Variants in CRYBB1 observed in about 807,000 individuals in gnomAD.
The protein encoded by CRYBB1 is beta-crystallin B1.
CRYBB1 carries 16 observed loss-of-function variants against 29.5 expected under a neutral mutation model. The observed-to-expected ratio is 0.54, with a 90% confidence interval of 0.37 to 0.82. The LOEUF (loss-of-function observed/expected upper bound fraction) is 0.82, where lower values mean the gene tolerates loss of function less well. Among genes scored for constraint, CRYBB1 ranks in the 40% least tolerant of loss-of-function variants. The pLI, the probability that CRYBB1 is intolerant of heterozygous loss-of-function variation, is 0.00. For synonymous variants in CRYBB1, 127 were observed against 136.7 expected (o/e 0.93, Z 0.49); for missense variants, 300 against 350.5 (o/e 0.86, Z 1.15).
At chr22:26,613,027 A>C (rs1050615744) in intron 2 of CRYBB1, among the ~76,000 whole-genome samples, 1 of 152,038 alleles carries the variant, frequency 6.6e-6, no homozygotes, top group East Asian at 1.9e-4. Context: ...GCCCCTCCAA[A>C]GACCAAGGAC....
At chr22:26,613,657 C>T (rs1030567855) in intron 2 of CRYBB1, among the ~76,000 whole-genome samples, 2 of 152,114 alleles carry the variant, frequency 1.3e-5, no homozygotes, top group African/African-American at 4.8e-5. Flanking sequence ...GGATGTATGT[C>T]GCCTCAGGAC....
intron 3 of CRYBB1, among the ~76,000 whole-genome samples, chr22:26,610,464 T>C (rs550954317): frequency 6.6e-6 from 1 of 152,234 alleles, no homozygotes; most frequent in African/African-American, 2.4e-5. Context: ...GCATCTTTGT[T>C]TGAGGAGAAA....
intron 4 of CRYBB1, among the ~76,000 whole-genome samples, chr22:26,604,936 TCCA>T (rs1928930524): frequency 1.3e-5 from 2 of 152,194 alleles, no homozygotes; most frequent in African/African-American, 4.8e-5. Flanking sequence ...GACCCTGGTC[TCCA>T]CCACCACCTC....
intron 4 of CRYBB1, among the ~76,000 whole-genome samples, chr22:26,602,894 C>A (rs974168554): frequency 1.3e-5 from 2 of 151,888 alleles, no homozygotes; most frequent in South Asian, 2.1e-4. Context: ...GAGGCCGAGG[C>A]GGGCAGATCA....
chr22:26,603,393 A>T (rs189042898), intron 4 of CRYBB1, among the ~76,000 whole-genome samples: 1 of 151,150 alleles, frequency 6.6e-6, no homozygotes, highest in East Asian at 2.0e-4. Context: ...AGCCAGGTGC[A>T]ATCACATGTG....
At position 26,599,402 on chromosome 22, in the gene CRYBB1, T is replaced by G; in HGVS notation, c.*88A>C. ...TACAGATCCAGGAGAAATTTTGGCT[T>G]TAGGGAATTTTATTTGCCTGGGAAA... On this transcript the variant is annotated 3_prime_UTR_variant, in exon 6 of 6. Coordinates refer to ENST00000647684, the MANE Select transcript of CRYBB1 (RefSeq NM_001887.4). The G allele has an allele frequency of 7.1e-7, 1 of 1,413,602 alleles. No individual in the cohort carries two copies. The highest frequency in any genetic ancestry group is 9.8e-7 in the Non-Finnish European group (1 of 1,025,390). 87.6% of individuals were successfully genotyped at this position (1,413,602 alleles called of 1,614,324 possible).
chr22:26,608,802 G>A (rs1569205832), intron 3 of CRYBB1, among the ~76,000 whole-genome samples: 1 of 152,090 alleles, frequency 6.6e-6, no homozygotes, highest in Non-Finnish European at 1.5e-5. Context: ...TCAGTAACTA[G>A]TATGAGGCAA....
chr22:26,604,874 C>T (rs1336442817), intron 4 of CRYBB1, among the ~76,000 whole-genome samples: 1 of 152,154 alleles, frequency 6.6e-6, no homozygotes, highest in Non-Finnish European at 1.5e-5. Flanking sequence ...AATGGCTCCC[C>T]ACTGCTAGAG....
chr22:26,601,578 C>T (rs1928819737), intron 5 of CRYBB1, among the ~76,000 whole-genome samples: 1 of 151,372 alleles, frequency 6.6e-6, no homozygotes, highest in Admixed American at 6.6e-5. Flanking sequence ...TCCACATCAG[C>T]GCCGGCCCTT....
At chr22:26,615,809 C>T (rs1014984927) in intron 2 of CRYBB1, among the ~76,000 whole-genome samples, 5 of 152,134 alleles carry the variant, frequency 3.3e-5, no homozygotes, top group Non-Finnish European at 5.9e-5. Flanking sequence ...CCACTGCGCC[C>T]GGCCCCACTT....
At chr22:26,607,688 G>A (rs1012554832) in intron 4 of CRYBB1, among the ~76,000 whole-genome samples, 1 of 152,142 alleles carries the variant, frequency 6.6e-6, no homozygotes, top group Non-Finnish European at 1.5e-5. Flanking sequence ...TTTGCCCAGG[G>A]TTCCTAGCTG....
At chr22:26,615,522 C>CT (rs367900964) in intron 2 of CRYBB1, among the ~76,000 whole-genome samples, 5,125 of 146,954 alleles carry the variant, frequency 0.035, 134 homozygotes, top group East Asian at 0.091. Context: ...CTATTCTTTT[C>CT]TTTTTTTTTT....
At chr22:26,611,630 A>C (rs1929168407) in intron 3 of CRYBB1, among the ~76,000 whole-genome samples, 1 of 151,304 alleles carries the variant, frequency 6.6e-6, no homozygotes, top group Non-Finnish European at 1.5e-5. Flanking sequence ...GCCCGCCACC[A>C]CGCCCGGCTA....
chr22:26,600,758 C>T (rs1049979587), intron 5 of CRYBB1, among the ~76,000 whole-genome samples: 3 of 152,224 alleles, frequency 2.0e-5, no homozygotes, highest in African/African-American at 4.8e-5. Flanking sequence ...TGCCAGACCC[C>T]CTCCCTATAT....
rs1015979815 is a variant in CRYBB1, at chr22:26,607,318, G to A, written c.432+571C>T. On this transcript the variant is annotated intron_variant, in intron 4 of 5. Coordinates refer to ENST00000647684, the MANE Select transcript of CRYBB1 (RefSeq NM_001887.4). ...ATTACAGGCATGGGCCACCATGCCCGGCTACAATATCCCTCTTCTTAGCCA... is the reference window on the plus strand; with the variant it reads ...ATTACAGGCATGGGCCACCATGCCCAGCTACAATATCCCTCTTCTTAGCCA... Among the ~76,000 whole-genome samples, 7 of 152,056 alleles carry A rather than the reference G, an allele frequency of 4.6e-5. No individual in the cohort carries two copies. In the South Asian group the frequency reaches 6.2e-4, roughly 14 times the overall value.
Position 26,601,963 on chromosome 22 carries a change from A to G in CRYBB1, c.491T>C (p.Ile164Thr), listed in dbSNP as rs1602320936. 2 of 1,613,560 alleles carry G rather than the reference A, an allele frequency of 1.2e-6. No individual in the cohort carries two copies. Among genetic ancestry groups the G allele is most frequent in the Non-Finnish European group, 1.7e-6 (2 of 1,179,868 alleles). Reference protein sequence around the residue: ...FEGANFKGNTIEIQGDDAPSL... With the variant: ...FEGANFKGNTTEIQGDDAPSL... The stretch of plus-strand genomic sequence containing the variant: ...GGGTGCGTCGTCCCCCTGGATCTCT[A>G]TGGTGTTGCCCTTGAAGTTGGCCCC... Residue 164 changes from isoleucine (I) to threonine (T), a missense_variant, in exon 5 of 6, where the codon ATA (isoleucine) becomes ACA (threonine). Physicochemically the swap from Ile to Thr is moderately conservative, Grantham distance 89. Transcript: ENST00000647684.
Position 26,612,140 on chromosome 22 carries a change from C to G in CRYBB1, c.231G>C (p.Ser77=), listed in dbSNP as rs770478101. Residue 77 remains serine, a synonymous_variant, in exon 3 of 6, where the codon TCG becomes TCC. Transcript: ENST00000647684. The part of the protein sequence containing the change: ...ENFQGRRAEF[S]GECSNLADRG... ...GGTCTGCCAGATTTGAGCACTCCCC[C>G]GAGAATTCTGCTCGACGGCCCTGGA... 8.7e-6 allele frequency: 14 copies of G among 1,613,868 alleles called. No homozygotes were observed. In the East Asian group the frequency reaches 2.5e-4, roughly 28 times the overall value.
chr22:26,610,670 G>A (rs1235373107), intron 3 of CRYBB1, among the ~76,000 whole-genome samples: 1 of 152,162 alleles, frequency 6.6e-6, no homozygotes. Flanking sequence ...CGGGCAGGGA[G>A]GTGGGTACGT....
At chr22:26,599,733 A>C (rs1050849167) in intron 5 of CRYBB1, 60 bp from the exon 6 acceptor site, 156 of 1,369,390 alleles carry the variant, frequency 1.1e-4, no homozygotes, top group Admixed American at 7.7e-4. Context: ...TGGCACCCAG[A>C]CCCCTGCCAG....
Sources: allele counts gnomAD v4.1 joint callset (sites outside exome capture counted in the v4.1 genomes callset), GRCh38; gene constraint gnomAD v4.1.1; transcripts MANE v1.5; gene names NCBI Gene and HGNC (gene_info 2026-07-23, HGNC 2026-07-21).